Variants in GRID1 observed in about 807,000 individuals in gnomAD.
GRID1 encodes the protein glutamate ionotropic receptor delta type subunit 1.
In GRID1, 28 loss-of-function variants were observed where a neutral mutation model predicts 98.0. The ratio of observed to expected loss-of-function variants is 0.29; its 90% confidence interval spans 0.21 to 0.39. GRID1 has a LOEUF of 0.39. Ranked by LOEUF, GRID1 falls within the 10% of genes least tolerant of loss-of-function variation. The pLI is 1.00. For missense variants in GRID1, 1,111 were observed against 1,340.5 expected, an observed-to-expected ratio of 0.83 and a Z score of 2.67; for synonymous variants, 553 against 538.5, an observed-to-expected ratio of 1.03 and a Z score of -0.37.
chr10:86,364,177 G>A (rs999457186), intron 1 of GRID1, 81 bp from the exon 2 acceptor site: 4 of 1,178,576 alleles, frequency 3.4e-6, no homozygotes, highest in Non-Finnish European at 4.9e-6. Context: ...CAAGGCACTC[G>A]CAGACCGATG....
chr10:86,066,707 A>T (rs1843724728), intron 4 of GRID1, among the ~76,000 whole-genome samples: 1 of 152,210 alleles, frequency 6.6e-6, no homozygotes, highest in Non-Finnish European at 1.5e-5. Flanking sequence ...ACAGCCTCTG[A>T]AAGCAACACT....
At chr10:85,782,764 G>A (rs1842392394) in intron 8 of GRID1, among the ~76,000 whole-genome samples, 1 of 152,202 alleles carries the variant, frequency 6.6e-6, no homozygotes, top group Non-Finnish European at 1.5e-5. Flanking sequence ...TGGAGCCAGG[G>A]ATGTCACAGG....
At position 86,342,929 on chromosome 10, in the gene GRID1, A is replaced by T. The variant is rs190640795; in HGVS notation, c.235+21012T>A. 4.1e-3 allele frequency among the ~76,000 whole-genome samples: 618 copies of T among 152,376 alleles called. 4 individuals are homozygous for T. Among genetic ancestry groups the T allele is most frequent in the Admixed American group, 7.1e-3 (109 of 15,306 alleles). ...AAGATCCTGGCGTTCCTTGGTGTAT[A>T]TGCCCAAGGCCAGGGCCAGTCCACA... On this transcript the variant is annotated intron_variant, in intron 2 of 15. Coordinates refer to ENST00000327946, the MANE Select transcript of GRID1 (RefSeq NM_017551.3).
At chr10:86,130,200 A>ATGGTTTGTTACACTG (rs1554854673) in intron 4 of GRID1, among the ~76,000 whole-genome samples, 6 of 152,026 alleles carry the variant, frequency 3.9e-5, no homozygotes, top group Non-Finnish European at 5.9e-5. Flanking sequence ...GAGTTTTAGG[A>ATGGTTTGTTACACTG]CACACAGCTA....
chr10:85,771,731 T>C (rs1347571164), intron 8 of GRID1, among the ~76,000 whole-genome samples: 1 of 152,144 alleles, frequency 6.6e-6, no homozygotes, highest in African/African-American at 2.4e-5. Flanking sequence ...AAGGCGGCCA[T>C]TACATAATGG....
At chr10:86,200,647 GACT>G (rs1845934385) in intron 3 of GRID1, among the ~76,000 whole-genome samples, 1 of 152,118 alleles carries the variant, frequency 6.6e-6, no homozygotes, top group Non-Finnish European at 1.5e-5. Context: ...AAAAAAAGAT[GACT>G]ACATTTGACA....
intron 4 of GRID1, among the ~76,000 whole-genome samples, chr10:86,135,252 A>G (rs1457579101): frequency 6.6e-6 from 1 of 152,216 alleles, no homozygotes; most frequent in Non-Finnish European, 1.5e-5. Context: ...CCAAGGCCCA[A>G]CTAGGATCCA....
intron 8 of GRID1, among the ~76,000 whole-genome samples, chr10:85,767,472 AGC>A (rs1335112644): frequency 6.6e-6 from 1 of 152,252 alleles, no homozygotes; most frequent in Non-Finnish European, 1.5e-5. Flanking sequence ...CTAATATACA[AGC>A]AGCATGCTTA....
At chr10:85,816,065 C>T (rs1442124433) in intron 8 of GRID1, among the ~76,000 whole-genome samples, 3 of 152,020 alleles carry the variant, frequency 2.0e-5, no homozygotes, top group Admixed American at 1.3e-4. Flanking sequence ...AACATGAATT[C>T]ATTGTTGGTG....
chr10:86,306,870 G>A (rs1847765179), intron 2 of GRID1, among the ~76,000 whole-genome samples: 1 of 152,240 alleles, frequency 6.6e-6, no homozygotes, highest in Non-Finnish European at 1.5e-5. Flanking sequence ...CCGAGGTACT[G>A]ATCCACCTTT....
At chr10:86,047,843 T>C (rs1843446295) in intron 4 of GRID1, among the ~76,000 whole-genome samples, 1 of 152,200 alleles carries the variant, frequency 6.6e-6, no homozygotes, top group African/African-American at 2.4e-5. Context: ...CTCGCTGTAA[T>C]ATTGAGCTTC....
At chr10:86,325,347 C>T (rs1316801543) in intron 2 of GRID1, among the ~76,000 whole-genome samples, 3 of 152,206 alleles carry the variant, frequency 2.0e-5, no homozygotes, top group African/African-American at 7.2e-5. Flanking sequence ...GCAACTCACT[C>T]ACCATCCTGC....
chr10:86,206,509 G>A lies in GRID1; in HGVS notation c.375C>T (p.Arg125=). Reference sequence around the variant, plus strand: ...GGCTGGGGTTCAGGTGGCATGCGGTGCGTGGCGACCCTCCCGGGTTGCGCT... The same window carrying A: ...GGCTGGGGTTCAGGTGGCATGCGGTACGTGGCGACCCTCCCGGGTTGCGCT... The part of the protein sequence containing the change: ...FVQRNPGGSP[R]TACHLNPSPD... The change falls in exon 3 of 16, where the codon CGC becomes CGT. Residue 125 remains arginine (R), a synonymous_variant. Transcript: ENST00000327946. The surrounding 1 kb of genome is among the most constrained non-coding windows in gnomAD (Gnocchi z 4.1). 1 of 1,614,260 alleles carries A rather than the reference G, an allele frequency of 6.2e-7. No homozygotes were observed. The highest frequency in any genetic ancestry group is 1.1e-5 in the South Asian group (1 of 91,086).
At chr10:86,262,756 G>A (rs961480378) in intron 2 of GRID1, among the ~76,000 whole-genome samples, 9 of 152,168 alleles carry the variant, frequency 5.9e-5, no homozygotes, top group African/African-American at 1.9e-4. Context: ...AAGGAACACT[G>A]CCTCTCAGCG....
chr10:86,071,247 G>A (rs1324786436), intron 4 of GRID1, among the ~76,000 whole-genome samples: 1 of 152,178 alleles, frequency 6.6e-6, no homozygotes, highest in African/African-American at 2.4e-5. Flanking sequence ...GCAGGGAAAT[G>A]GGCTCACTGT....
At chr10:85,800,221 C>T (rs1590237710) in intron 8 of GRID1, among the ~76,000 whole-genome samples, 1 of 151,258 alleles carries the variant, frequency 6.6e-6, no homozygotes, top group Non-Finnish European at 1.5e-5. Context: ...CCTCATTGGT[C>T]AAGCAAACCA....
intron 8 of GRID1, among the ~76,000 whole-genome samples, chr10:85,794,651 T>C (rs942859620): frequency 2.0e-5 from 3 of 152,234 alleles, no homozygotes; most frequent in Non-Finnish European, 4.4e-5. Context: ...GGGGGTTAAG[T>C]AATGGCAATG....
intron 13 of GRID1, among the ~76,000 whole-genome samples, chr10:85,628,013 G>C (rs1399336972): frequency 1.3e-5 from 2 of 151,630 alleles, no homozygotes; most frequent in Admixed American, 1.3e-4. Flanking sequence ...AGAAGAGTGT[G>C]AGCGTGTGTG....
intron 4 of GRID1, among the ~76,000 whole-genome samples, chr10:86,007,783 T>A (rs999023250): frequency 6.6e-6 from 1 of 152,062 alleles, no homozygotes; most frequent in African/African-American, 2.4e-5. Flanking sequence ...AGTTTCTAAG[T>A]GAAGTGCCTC....
Sources: allele counts gnomAD v4.1 joint callset (sites outside exome capture counted in the v4.1 genomes callset), GRCh38; gene constraint gnomAD v4.1.1; non-coding constraint Gnocchi (gnomAD v3.1); transcripts MANE v1.5; gene names NCBI Gene and HGNC (gene_info 2026-07-23, HGNC 2026-07-21).